Variants in SYT1 observed in about 807,000 individuals in gnomAD.
The protein encoded by SYT1 is synaptotagmin-1.
In SYT1, 8 loss-of-function variants were observed where a neutral mutation model predicts 44.8. The ratio of observed to expected loss-of-function variants is 0.18; its 90% CI spans 0.10 to 0.32. SYT1 has a LOEUF of 0.32. Ranked by LOEUF, SYT1 falls within the 10% of genes least tolerant of loss-of-function variation. The probability of loss-of-function intolerance (pLI) is 1.00; values close to 1 mark genes in which losing one functional copy is unlikely to be tolerated. For synonymous variants in SYT1, 154 were observed against 188.8 expected (o/e 0.82, Z 1.51); for missense variants, 286 against 509.3 (o/e 0.56, Z 4.22).
chr12:79,271,460 T>C (rs1463484270), intron 4 of SYT1, among the ~76,000 whole-genome samples: 1 of 152,174 alleles, frequency 6.6e-6, no homozygotes, highest in Non-Finnish European at 1.5e-5. Flanking sequence ...TACCGTATTA[T>C]GTTCTAAGAG....
intron 1 of SYT1, chr12:78,868,796 G>C (rs1047252490): frequency 6.6e-6 from 1 of 151,728 alleles, no homozygotes; most frequent in African/African-American, 2.4e-5. Context: ...ATATTAATGA[G>C]AGCCTAGAGT....
rs985158314 is a variant in SYT1 at position 79,311,937 on chromosome 12, G to A, written c.810+12386G>A. Reference sequence around the variant, plus strand: ...AATGCTAAATGACGAGTTAATGGGTGCAGCACACCAGCATGGCACATGGAT... The same window carrying A: ...AATGCTAAATGACGAGTTAATGGGTACAGCACACCAGCATGGCACATGGAT... On this transcript the variant is annotated intron_variant, in intron 8 of 10. Coordinates refer to ENST00000261205, the MANE Select transcript of SYT1 (RefSeq NM_005639.3). Among the ~76,000 whole-genome samples, 9 of 149,602 alleles carry A rather than the reference G, an allele frequency of 6.0e-5. No homozygotes were observed. The East Asian group carries it at 1.8e-3, about 30-fold the overall frequency.
intron 8 of SYT1, among the ~76,000 whole-genome samples, chr12:79,323,712 T>C (rs1881473865): frequency 1.3e-5 from 2 of 152,028 alleles, no homozygotes; most frequent in Admixed American, 1.3e-4. Flanking sequence ...ATAAAATGGT[T>C]ACTGATACTA....
chr12:79,373,690 T>G (rs995125937), intron 9 of SYT1, among the ~76,000 whole-genome samples: 1 of 152,198 alleles, frequency 6.6e-6, no homozygotes, highest in South Asian at 2.1e-4. Context: ...ATATATCACA[T>G]CGACTGAAGT....
At chr12:78,966,087 A>G (rs1168387653) in intron 1 of SYT1, among the ~76,000 whole-genome samples, 1 of 151,960 alleles carries the variant, frequency 6.6e-6, no homozygotes, top group African/African-American at 2.4e-5. Flanking sequence ...AAAAAAAAAA[A>G]AAAAAAATTA....
chr12:78,964,832 T>A (rs1439112605), intron 1 of SYT1, among the ~76,000 whole-genome samples: 1 of 152,132 alleles, frequency 6.6e-6, no homozygotes, highest in Non-Finnish European at 1.5e-5. Flanking sequence ...ACTTTTCTTC[T>A]CCTCTTAGAA....
intron 4 of SYT1, among the ~76,000 whole-genome samples, chr12:79,249,613 A>G (rs1877075665): frequency 6.6e-6 from 1 of 152,196 alleles, no homozygotes; most frequent in Non-Finnish European, 1.5e-5. Context: ...GCCAGAAGTT[A>G]GTGCTAAGTA....
chr12:79,314,376 C>CTA (rs1480983507), intron 8 of SYT1, among the ~76,000 whole-genome samples: 1 of 151,798 alleles, frequency 6.6e-6, no homozygotes, highest in Admixed American at 6.6e-5. Context: ...GCCTAGATAC[C>CTA]ATGTGCGAGA....
rs374409254 is a variant in SYT1 at position 78,923,723 on chromosome 12, A to ATG, written c.-216-54066_-216-54065dup. 2.9e-3 allele frequency among the ~76,000 whole-genome samples: 411 copies of ATG among 143,744 alleles called. 3 individuals are homozygous for ATG. The highest frequency in any genetic ancestry group is 4.4e-3 in the Non-Finnish European group (288 of 65,594). 94.3% of individuals were successfully genotyped at this position (143,744 alleles called of 152,430 possible). On this transcript the variant is annotated intron_variant, in intron 1 of 10. Coordinates refer to ENST00000261205, the MANE Select transcript of SYT1 (RefSeq NM_005639.3). ...TCTCTCTCTCTCTGTGTGTGTGTATATGTGTGTGTGTACACTTTATTGTTT... is the reference window on the plus strand; with the variant it reads ...TCTCTCTCTCTCTGTGTGTGTGTATATGTGTGTGTGTGTACACTTTATTGTTT...
chr12:79,299,622 T>C, intron 8 of SYT1, 71 bp downstream of exon 8: 1 of 1,547,010 alleles, frequency 6.5e-7, no homozygotes, highest in Non-Finnish European at 8.7e-7. Context: ...AATAACTTAT[T>C]GAGAAATACT....
Position 78,977,864 on chromosome 12 carries a change from A to C in SYT1, c.-151A>C, listed in dbSNP as rs1269573159. 6.6e-6 allele frequency: 1 copy of C among 152,274 alleles called. No individual in the cohort carries two copies. The highest frequency in any genetic ancestry group is 2.4e-5 in the African/African-American group (1 of 41,472). The allele number at this position is 152,274 out of a possible 1,614,324, so 9.4% of individuals were successfully genotyped here. A position where few individuals can be genotyped will look rare whatever the true frequency, so the allele number is the denominator to read the frequency against. ...AGAGCTTGAACAAACGCCTGGACTCAGATTGGAAGACTGCTCATTTGTCTA... is the reference window on the plus strand; with the variant it reads ...AGAGCTTGAACAAACGCCTGGACTCCGATTGGAAGACTGCTCATTTGTCTA... On this transcript the variant is annotated 5_prime_UTR_variant, in exon 2 of 11. Coordinates refer to ENST00000261205, the MANE Select transcript of SYT1 (RefSeq NM_005639.3).
At chr12:79,257,485 T>G (rs889290058) in intron 4 of SYT1, among the ~76,000 whole-genome samples, 3 of 152,220 alleles carry the variant, frequency 2.0e-5, no homozygotes, top group Non-Finnish European at 4.4e-5. Context: ...TTGTTTTGTT[T>G]TGTTTTTGTT....
intron 3 of SYT1, among the ~76,000 whole-genome samples, chr12:79,081,764 C>A (rs1225515533): frequency 6.6e-6 from 1 of 152,124 alleles, no homozygotes; most frequent in Non-Finnish European, 1.5e-5. Flanking sequence ...TCCACAGTTT[C>A]TTCTTCCTAT....
At chr12:79,229,320 C>A (rs966138522) in intron 4 of SYT1, among the ~76,000 whole-genome samples, 2 of 152,220 alleles carry the variant, frequency 1.3e-5, no homozygotes, top group Non-Finnish European at 2.9e-5. Context: ...TTGTGCCATG[C>A]TCGGAGAAAC....
intron 2 of SYT1, among the ~76,000 whole-genome samples, chr12:79,041,399 T>G (rs79341494): frequency 4.7e-4 from 71 of 151,982 alleles, no homozygotes; most frequent in Middle Eastern, 3.4e-3. Flanking sequence ...GTGAATGGGA[T>G]TTCACTCATG....
intron 1 of SYT1, among the ~76,000 whole-genome samples, chr12:78,881,691 C>A (rs959664402): frequency 2.0e-5 from 3 of 151,264 alleles, no homozygotes; most frequent in African/African-American, 4.8e-5. Context: ...AACCAAGTAA[C>A]CTTCGCTTGG....
chr12:79,000,288 CTTTTTTTTTTTT>C (rs559894598), intron 2 of SYT1, among the ~76,000 whole-genome samples: 1 of 112,930 alleles, frequency 8.9e-6, no homozygotes, highest in African/African-American at 3.3e-5. Flanking sequence ...TTAACTGCTT[CTTTTTTTTTTTT>C]TTTTTTTTTT....
intron 8 of SYT1, among the ~76,000 whole-genome samples, chr12:79,339,009 T>C (rs967649839): frequency 3.8e-4 from 58 of 152,198 alleles, no homozygotes; most frequent in African/African-American, 1.3e-3. Context: ...CATCCTTTTT[T>C]ATGGCTGCGT....
chr12:79,156,342 G>A (rs1870589972), intron 3 of SYT1, among the ~76,000 whole-genome samples: 1 of 152,144 alleles, frequency 6.6e-6, no homozygotes, highest in Non-Finnish European at 1.5e-5. Context: ...ATCTGTGTAT[G>A]TGTGTAACCC....
Sources: gnomAD v4.1 joint callset for allele counts (sites outside exome capture counted in the v4.1 genomes callset) on GRCh38, gnomAD v4.1.1 for gene constraint, MANE v1.5 for transcripts, NCBI Gene and HGNC (gene_info 2026-07-23, HGNC 2026-07-21) for gene names.